The following CFH variants were observed in gnomAD, a reference collection of about 807,000 sequenced individuals.
CFH encodes H factor 1 (complement).
CFH carries 53 observed loss-of-function variants against 147.3 expected under a neutral mutation model. The observed-to-expected ratio is 0.36, with a 90% CI of 0.29 to 0.45. The LOEUF is 0.45. Among genes scored for constraint, CFH ranks in the 20% least tolerant of loss-of-function variants. The pLI is 1.00. For synonymous variants in CFH, 536 were observed against 489.4 expected, an observed-to-expected ratio of 1.10 and a Z score of -1.26; for missense variants, 1,380 against 1,498.0, an observed-to-expected ratio of 0.92 and a Z score of 1.30.
chr1:196,682,519 C>A (rs1558158588), intron 6 of CFH, among the ~76,000 whole-genome samples: 1 of 151,300 alleles, frequency 6.6e-6, no homozygotes, highest in African/African-American at 2.4e-5. Flanking sequence ...TTATTGATTT[C>A]TTAGTTAAAC....
At chr1:196,683,718 A>G (rs1207791399) in intron 6 of CFH, among the ~76,000 whole-genome samples, 1 of 151,814 alleles carries the variant, frequency 6.6e-6, no homozygotes, top group Non-Finnish European at 1.5e-5. Flanking sequence ...AGACTAAACT[A>G]AAGACTTAAA....
intron 1 of CFH, among the ~76,000 whole-genome samples, chr1:196,663,038 A>G (rs1400170572): frequency 6.6e-6 from 1 of 152,106 alleles, no homozygotes; most frequent in African/African-American, 2.4e-5. Context: ...AAATCTAACC[A>G]TTACTGCTTT....
At chr1:196,693,886 G>A (rs3645) in intron 9 of CFH, among the ~76,000 whole-genome samples, 97,699 of 151,598 alleles carry the variant, frequency 0.64, 31,914 homozygotes, top group East Asian at 0.95. Flanking sequence ...ATATTCATCT[G>A]CAGTTTTTAT....
chr1:196,693,564 G>C (rs1258358425), intron 9 of CFH, among the ~76,000 whole-genome samples: 2 of 152,086 alleles, frequency 1.3e-5, no homozygotes, highest in Admixed American at 6.6e-5. Context: ...TAACAGGCTG[G>C]TGCATACACT....
Position 196,715,764 on chromosome 1 carries a change from G to A in CFH, c.1691G>A (p.Cys564Tyr). 6.2e-7 allele frequency: 1 copy of A among 1,609,730 alleles called. No individual in the cohort carries two copies. Among genetic ancestry groups the A allele is most frequent in the South Asian group, 1.1e-5 (1 of 90,640 alleles). ...AATGGTTGGTCTGATTTACCCATAT[G>A]TTATGGTAAGTACTGGTTTTTCAGA... ...GYNGWSDLPI[C>Y]YERECELPKI... is the part of the protein sequence containing the mutation. The change falls in exon 11 of 22, where the codon TGT (cysteine) becomes TAT (tyrosine). Residue 564 changes from cysteine (C) to tyrosine (Y), a missense_variant. This residue lies in a region of CFH where 830 missense variants were observed against 821.4 expected (regional missense o/e 1.01). Coordinates refer to ENST00000367429, the MANE Select transcript of CFH (RefSeq NM_000186.4).
intron 11 of CFH, among the ~76,000 whole-genome samples, chr1:196,716,096 A>T (rs906879810): frequency 1.3e-5 from 2 of 151,952 alleles, no homozygotes; most frequent in African/African-American, 2.4e-5. Context: ...TCCTCAGCTA[A>T]TTTGTTTTTT....
intron 9 of CFH, among the ~76,000 whole-genome samples, chr1:196,710,928 T>C (rs1668710590): frequency 6.6e-6 from 1 of 152,112 alleles, no homozygotes; most frequent in Non-Finnish European, 1.5e-5. Context: ...CCATGATAGT[T>C]TGTGGCTTCA....
At chr1:196,660,000 A>G (rs2149069067) in intron 1 of CFH, among the ~76,000 whole-genome samples, 1 of 152,342 alleles carries the variant, frequency 6.6e-6, no homozygotes, top group Non-Finnish European at 1.5e-5. Context: ...AAAAATAGTT[A>G]TAGCATTGTG....
intron 9 of CFH, among the ~76,000 whole-genome samples, chr1:196,704,837 T>C (rs1254950575): frequency 6.6e-6 from 1 of 152,190 alleles, no homozygotes; most frequent in Non-Finnish European, 1.5e-5. Flanking sequence ...ACTAGGCAAA[T>C]TTTCAAAGCC....
At chr1:196,702,910 A>G (rs1189739474) in intron 9 of CFH, among the ~76,000 whole-genome samples, 1 of 152,196 alleles carries the variant, frequency 6.6e-6, no homozygotes, top group Non-Finnish European at 1.5e-5. Flanking sequence ...TGGAATTCTT[A>G]GAACAAGTCT....
rs375365236 is a variant in CFH, at chr1:196,743,470, C to T, written c.3152C>T (p.Pro1051Leu). The change falls in exon 20 of 22, where the codon CCG (proline) becomes CTG (leucine). Residue 1051 changes from proline (P) to leucine (L), a missense_variant. Physicochemically the swap from Pro to Leu is moderately conservative, Grantham distance 98. Coordinates refer to ENST00000367429, the MANE Select transcript of CFH (RefSeq NM_000186.4). ...PTCRDTSCVN[P>L]PTVQNAYIVS... is the part of the protein sequence containing the mutation. ...TATTCAGACACCTCCTGTGTGAATCCGCCCACAGTACAAAATGCTTATATA... is the reference window on the plus strand; with the variant it reads ...TATTCAGACACCTCCTGTGTGAATCTGCCCACAGTACAAAATGCTTATATA... 241 of 1,613,768 alleles carry T rather than the reference C, an allele frequency of 1.5e-4. 1 individual carries two copies. Among genetic ancestry groups the T allele is most frequent in the Non-Finnish European group, 1.9e-4 (219 of 1,179,902 alleles).
chr1:196,701,300 C>T (rs765932475), intron 9 of CFH: 2 of 1,613,756 alleles, frequency 1.2e-6, no homozygotes, highest in South Asian at 2.2e-5. Context: ...TAATCATCTG[C>T]TCTTCAATCT....
At chr1:196,691,424 T>C (rs1249233157) in intron 9 of CFH, among the ~76,000 whole-genome samples, 1 of 152,098 alleles carries the variant, frequency 6.6e-6, no homozygotes, top group Non-Finnish European at 1.5e-5. Context: ...TTTTACATGT[T>C]AATGATTGGT....
intron 7 of CFH, among the ~76,000 whole-genome samples, chr1:196,688,713 C>T (rs145845440): frequency 0.015 from 2,214 of 152,200 alleles, 58 homozygotes; most frequent in African/African-American, 0.05. Flanking sequence ...TGGGTTCAAG[C>T]GATTCTCCTG....
chr1:196,670,732 A>G (rs1667249107), intron 1 of CFH, among the ~76,000 whole-genome samples: 1 of 152,150 alleles, frequency 6.6e-6, no homozygotes, highest in Non-Finnish European at 1.5e-5. Context: ...ATCTGCTTTT[A>G]AGATTTTGCC....
At chr1:196,698,012 G>C (rs181399377) in intron 9 of CFH, among the ~76,000 whole-genome samples, 1,286 of 121,124 alleles carry the variant, frequency 0.011, 9 homozygotes, top group Non-Finnish European at 0.015. Context: ...TGTGGGGTGG[G>C]GGGAGGGGGG....
intron 6 of CFH, among the ~76,000 whole-genome samples, chr1:196,683,235 A>G (rs1246954263): frequency 1.3e-5 from 2 of 151,784 alleles, no homozygotes; most frequent in African/African-American, 4.8e-5. Flanking sequence ...AACACCAAAA[A>G]GTATGTAATC....
chr1:196,737,120 C>A lies in CFH; in HGVS notation c.2596+114C>A, dbSNP rs148428608. ...CTCTGTGTCTATTACTTTATCCTGA[C>A]AAAATAAATTAGGACCTAGGCACAT... On this transcript the variant is annotated intron_variant, in intron 16 of 21. Coordinates refer to ENST00000367429, the MANE Select transcript of CFH (RefSeq NM_000186.4). The A allele has an allele frequency of 5.4e-5, 52 of 965,442 alleles. No homozygotes were observed. The Middle Eastern group carries it at 9.5e-4, about 18-fold the overall frequency. 59.8% of individuals were successfully genotyped at this position (965,442 alleles called of 1,614,324 possible). A position where few individuals can be genotyped will look rare whatever the true frequency, so the allele number is the denominator to read the frequency against.
chr1:196,695,934 C>T (rs1300469896), intron 9 of CFH, among the ~76,000 whole-genome samples: 1 of 152,058 alleles, frequency 6.6e-6, no homozygotes, highest in Non-Finnish European at 1.5e-5. Flanking sequence ...AATATACCAT[C>T]ATGTCATCTG....
Sources: gnomAD v4.1 joint callset for allele counts (sites outside exome capture counted in the v4.1 genomes callset) on GRCh38, gnomAD v4.1.1 for gene constraint, gnomAD v4.1.1 regional missense constraint, MANE v1.5 for transcripts, NCBI Gene and HGNC (gene_info 2026-07-23, HGNC 2026-07-21) for gene names.